The following POLR3B variants were observed in gnomAD, a reference collection of about 807,000 sequenced individuals.
POLR3B encodes the protein DNA-directed RNA polymerase III subunit RPC2.
In POLR3B, 96 loss-of-function variants were observed where a neutral mutation model predicts 147.4. The observed-to-expected ratio is 0.65, with a 90% CI of 0.55 to 0.77. The LOEUF (loss-of-function observed/expected upper bound fraction) is 0.77. Among genes scored for constraint, POLR3B ranks in the 30% least tolerant of loss-of-function variants. The probability of loss-of-function intolerance (pLI) is 0.00; values close to 1 mark genes in which losing one functional copy is unlikely to be tolerated. For synonymous variants in POLR3B, 461 were observed against 485.9 expected, an observed-to-expected ratio of 0.95 and a Z score of 0.67; for missense variants, 1,036 against 1,413.5, an observed-to-expected ratio of 0.73 and a Z score of 4.28.
rs770497469 is a variant in POLR3B at position 106,444,455 on chromosome 12, C to T, written c.1956-8C>T. On this transcript the variant is annotated splice_polypyrimidine_tract_variant and splice_region_variant and intron_variant, in intron 18 of 27. Transcript: ENST00000228347. ...CTTAAGATATGTGATTTTTACTTAA[C>T]TTGTTAGAGACACCACCCACTTGGA... 1.5e-5 allele frequency: 24 copies of T among 1,613,524 alleles called. No individual in the cohort carries two copies. The highest frequency in any genetic ancestry group is 4.2e-6 in the Non-Finnish European group (5 of 1,179,784).
At chr12:106,376,498 CT>C (rs1335609992) in intron 7 of POLR3B, 48 bp downstream of exon 7, 2 of 1,232,604 alleles carry the variant, frequency 1.6e-6, no homozygotes, top group African/African-American at 3.0e-5. Context: ...TTCTTTTATT[CT>C]GCTGCTGCTG....
chr12:106,471,769 C>T lies in POLR3B; in HGVS notation c.2713+8149C>T, dbSNP rs1295664383. Among the ~76,000 whole-genome samples the T allele has an allele frequency of 4.6e-5, 7 of 151,888 alleles. No homozygotes were observed. In the South Asian group the frequency reaches 6.2e-4, roughly 14 times the overall value. ...ATGAAATTGGAGGTAGGGGAAGTGACGGAGGTAGATTCTCTACTGTTGATG... is the reference window on the plus strand; with the variant it reads ...ATGAAATTGGAGGTAGGGGAAGTGATGGAGGTAGATTCTCTACTGTTGATG... On this transcript the variant is annotated intron_variant, in intron 23 of 27. Transcript: ENST00000228347.
chr12:106,364,032 A>G (rs761129848), intron 2 of POLR3B, 130 bp downstream of exon 2: 5 of 693,770 alleles, frequency 7.2e-6, no homozygotes, highest in Non-Finnish European at 1.3e-5. Flanking sequence ...TTGGAAATAC[A>G]AGGAATTATA....
chr12:106,428,854 G>C (rs11112988), intron 13 of POLR3B, among the ~76,000 whole-genome samples: 22 of 152,100 alleles, frequency 1.4e-4, no homozygotes, highest in African/African-American at 5.1e-4. Flanking sequence ...CAAAGTGATC[G>C]ATCTTCACTA....
chr12:106,462,516 A>T (rs1233602295), intron 22 of POLR3B, among the ~76,000 whole-genome samples: 2 of 152,216 alleles, frequency 1.3e-5, no homozygotes, highest in East Asian at 3.9e-4. Flanking sequence ...CTGGGATTAC[A>T]GGCATGAGCC....
At chr12:106,381,568 C>T (rs1176082167) in intron 9 of POLR3B, among the ~76,000 whole-genome samples, 1 of 152,210 alleles carries the variant, frequency 6.6e-6, no homozygotes, top group Non-Finnish European at 1.5e-5. Context: ...CATCTTCAGG[C>T]TCCACTTCTA....
chr12:106,392,890 A>G (rs1236855939), intron 9 of POLR3B, 141 bp from the exon 10 acceptor site: 5 of 1,007,258 alleles, frequency 5.0e-6, no homozygotes, highest in Admixed American at 2.4e-5. Context: ...AAGGCTGCCA[A>G]TGCCAGATGG....
intron 12 of POLR3B, among the ~76,000 whole-genome samples, chr12:106,414,002 G>A (rs1339278195): frequency 6.6e-6 from 1 of 151,502 alleles, no homozygotes; most frequent in Admixed American, 6.6e-5. Flanking sequence ...TGGTCACTTT[G>A]ATCATCTTAT....
chr12:106,390,901 A>T (rs2036905167), intron 9 of POLR3B, among the ~76,000 whole-genome samples: 1 of 152,158 alleles, frequency 6.6e-6, no homozygotes, highest in Admixed American at 6.5e-5. Flanking sequence ...CAAGCTGAGC[A>T]TAGTAGCATG....
intron 9 of POLR3B, among the ~76,000 whole-genome samples, chr12:106,381,732 A>G (rs933515628): frequency 2.0e-5 from 3 of 152,224 alleles, no homozygotes; most frequent in Admixed American, 2.0e-4. Flanking sequence ...TCACAGATAT[A>G]CAAACATTCT....
intron 12 of POLR3B, among the ~76,000 whole-genome samples, chr12:106,421,526 C>A (rs139055762): frequency 6.6e-6 from 1 of 152,060 alleles, no homozygotes; most frequent in Non-Finnish European, 1.5e-5. Flanking sequence ...TGAGGTTGAG[C>A]CCCTTTTCAT....
At chr12:106,369,104 C>G (rs148680021) in intron 4 of POLR3B, among the ~76,000 whole-genome samples, 171 bp from the exon 5 acceptor site, 6 of 152,134 alleles carry the variant, frequency 3.9e-5, no homozygotes, top group African/African-American at 1.4e-4. Flanking sequence ...CTTTGTAAAG[C>G]TATATGTACT....
intron 2 of POLR3B, among the ~76,000 whole-genome samples, chr12:106,365,450 G>C (rs554319729): frequency 6.6e-6 from 1 of 152,306 alleles, no homozygotes; most frequent in African/African-American, 2.4e-5. Flanking sequence ...GAACTCCTGA[G>C]TTTGAGTGAT....
At chr12:106,389,070 T>C (rs1333489092) in intron 9 of POLR3B, among the ~76,000 whole-genome samples, 1 of 152,220 alleles carries the variant, frequency 6.6e-6, no homozygotes, top group Non-Finnish European at 1.5e-5. Flanking sequence ...ATATCTGGAG[T>C]ACAAAGAGGT....
chr12:106,456,048 G>A (rs2037859790), intron 20 of POLR3B, among the ~76,000 whole-genome samples: 1 of 152,112 alleles, frequency 6.6e-6, no homozygotes, highest in South Asian at 2.1e-4. Flanking sequence ...GTAATAAGCG[G>A]CATTTAATCC....
chr12:106,442,244 C>T (rs137932740), intron 18 of POLR3B, among the ~76,000 whole-genome samples: 2,375 of 151,082 alleles, frequency 0.016, 35 homozygotes, highest in Non-Finnish European at 0.019. Context: ...TGTATGTTGT[C>T]ACCATAAGAG....
At chr12:106,509,322 A>G in intron 27 of POLR3B, 98 bp from the exon 28 acceptor site, 1 of 1,211,970 alleles carries the variant, frequency 8.3e-7, no homozygotes, top group Non-Finnish European at 1.2e-6. Flanking sequence ...ATTTGATAGA[A>G]TGATAATAGA....
At chr12:106,437,173 C>T (rs775773319) in intron 17 of POLR3B, 42 bp downstream of exon 17, 1 of 1,212,968 alleles carries the variant, frequency 8.2e-7, no homozygotes, top group South Asian at 1.2e-5. Context: ...CCTTAATACC[C>T]ACATACATGA....
intron 2 of POLR3B, 76 bp from the exon 3 acceptor site, chr12:106,366,440 A>C: frequency 1.1e-6 from 1 of 880,192 alleles, no homozygotes; most frequent in East Asian, 2.5e-5. Context: ...CCATTATATG[A>C]TCTATTATTT....
Sources: gnomAD v4.1 joint callset for allele counts (sites outside exome capture counted in the v4.1 genomes callset) on GRCh38, gnomAD v4.1.1 for gene constraint, MANE v1.5 for transcripts, NCBI Gene and HGNC (gene_info 2026-07-23, HGNC 2026-07-21) for gene names.